Variants in SMIM3 observed in about 807,000 individuals in gnomAD.
SMIM3 encodes the protein NGF-induced differentiation clone 67 protein.
In SMIM3, 4 loss-of-function variants were observed where a neutral mutation model predicts 2.1. The ratio of observed to expected loss-of-function variants is 1.89; its 90% CI spans 0.93 to 4.31. The LOEUF is 4.31. Among genes scored for constraint, SMIM3 ranks in the 30% most tolerant of loss-of-function variants. The probability of loss-of-function intolerance (pLI) is 0.01; values close to 1 mark genes in which losing one functional copy is unlikely to be tolerated. For synonymous variants in SMIM3, 29 were observed against 30.8 expected, an observed-to-expected ratio of 0.94 and a Z score of 0.19; for missense variants, 79 against 77.7, an observed-to-expected ratio of 1.02 and a Z score of -0.06.
intron 1 of SMIM3, among the ~76,000 whole-genome samples, chr5:150,793,105 T>C (rs964142070): frequency 8.5e-5 from 13 of 152,160 alleles, no homozygotes; most frequent in Non-Finnish European, 1.8e-4. Flanking sequence ...TTGTGTCATC[T>C]ATGATTTCTT....
intron 1 of SMIM3, among the ~76,000 whole-genome samples, chr5:150,785,120 C>T (rs1240679487): frequency 3.5e-4 from 43 of 121,932 alleles, no homozygotes; most frequent in Non-Finnish European, 5.8e-4. Flanking sequence ...TGGAGTCTCG[C>T]GTTGTTGCCC....
intron 1 of SMIM3, among the ~76,000 whole-genome samples, chr5:150,789,358 CAA>C (rs1352376828): frequency 6.6e-6 from 1 of 152,080 alleles, no homozygotes; most frequent in Non-Finnish European, 1.5e-5. Flanking sequence ...ATTTGGGAGA[CAA>C]AATTTTTCTT....
At position 150,795,806 on chromosome 5, in the gene SMIM3, T is replaced by C. The variant is rs2113209587; in HGVS notation, c.*183T>C. The C allele has an allele frequency of 1.6e-6, 1 of 638,664 alleles. No homozygotes were observed. Among genetic ancestry groups the C allele is most frequent in the Non-Finnish European group, 2.7e-6 (1 of 374,758 alleles). The allele number at this position is 638,664 out of a possible 1,614,324, so 39.6% of individuals were successfully genotyped here. On this transcript the variant is annotated 3_prime_UTR_variant, in exon 2 of 2. Coordinates refer to ENST00000526627, the MANE Select transcript of SMIM3 (RefSeq NM_032947.5). Reference sequence around the variant, plus strand: ...CTAACTCTCTGAGTTCCAGGTTCCTTATCTTTCAAATGGGGATGGTGATCC... The same window carrying C: ...CTAACTCTCTGAGTTCCAGGTTCCTCATCTTTCAAATGGGGATGGTGATCC...
intron 1 of SMIM3, among the ~76,000 whole-genome samples, chr5:150,790,324 G>C (rs1753337240): frequency 6.6e-6 from 1 of 152,176 alleles, no homozygotes; most frequent in South Asian, 2.1e-4. Flanking sequence ...ATGTTAAAGG[G>C]TTTACAGGAA....
chr5:150,794,095 A>T (rs1236924753), intron 1 of SMIM3, among the ~76,000 whole-genome samples: 1 of 152,222 alleles, frequency 6.6e-6, no homozygotes, highest in East Asian at 1.9e-4. Context: ...ATGATCAGGG[A>T]AATGCAAATC....
intron 1 of SMIM3, among the ~76,000 whole-genome samples, chr5:150,784,580 T>C (rs552932505): frequency 6.6e-6 from 1 of 152,344 alleles, no homozygotes; most frequent in South Asian, 2.1e-4. Context: ...TCTTTAGTAA[T>C]ACTTTCTGCC....
chr5:150,789,243 G>A (rs988716560), intron 1 of SMIM3, among the ~76,000 whole-genome samples: 3 of 152,128 alleles, frequency 2.0e-5, no homozygotes, highest in South Asian at 2.1e-4. Flanking sequence ...TGACAGAGAG[G>A]TCAAATAGAA....
intron 1 of SMIM3, among the ~76,000 whole-genome samples, chr5:150,779,829 A>ACCCCCCCCC (rs5872180): frequency 1.9e-4 from 21 of 111,094 alleles, no homozygotes; most frequent in Non-Finnish European, 2.6e-4. Flanking sequence ...GAAAGGTGTA[A>ACCCCCCCCC]CCCCCCCCGC....
intron 1 of SMIM3, among the ~76,000 whole-genome samples, chr5:150,792,830 T>C (rs4958421): frequency 0.17 from 26,423 of 152,224 alleles, 3,066 homozygotes; most frequent in East Asian, 0.63. Context: ...GCGTGAGCCA[T>C]TGCACCCAGC....
chr5:150,790,721 T>C (rs1753341219), intron 1 of SMIM3, among the ~76,000 whole-genome samples: 1 of 152,190 alleles, frequency 6.6e-6, no homozygotes, highest in Non-Finnish European at 1.5e-5. Context: ...CAAATCTGGC[T>C]GCACGTTGGA....
chr5:150,783,777 C>T (rs1037004044), intron 1 of SMIM3, among the ~76,000 whole-genome samples: 8 of 152,052 alleles, frequency 5.3e-5, no homozygotes, highest in Non-Finnish European at 7.4e-5. Flanking sequence ...TGTAAGTTTC[C>T]GGTGGGAGGT....
At chr5:150,783,400 A>G (rs925137211) in intron 1 of SMIM3, among the ~76,000 whole-genome samples, 4 of 152,186 alleles carry the variant, frequency 2.6e-5, no homozygotes, top group African/African-American at 7.2e-5. Flanking sequence ...GTGCCCTGGG[A>G]ACCATCAGCC....
intron 1 of SMIM3, among the ~76,000 whole-genome samples, chr5:150,783,914 C>CTTTTTTT (rs557905770): frequency 1.0e-4 from 13 of 124,358 alleles, no homozygotes; most frequent in African/African-American, 2.0e-4. Flanking sequence ...TTTGAACTCC[C>CTTTTTTT]TTTTTTTTTT....
At chr5:150,784,009 C>T (rs148590098) in intron 1 of SMIM3, among the ~76,000 whole-genome samples, 2,154 of 150,762 alleles carry the variant, frequency 0.014, 48 homozygotes, top group African/African-American at 0.048. Flanking sequence ...ACCTCCACCT[C>T]CTGGGTTCAA....
chr5:150,781,963 G>A (rs1321164207), intron 1 of SMIM3, among the ~76,000 whole-genome samples: 3 of 152,154 alleles, frequency 2.0e-5, no homozygotes, highest in East Asian at 1.9e-4. Flanking sequence ...TGGTACGTGC[G>A]GTCTTACACA....
chr5:150,788,990 A>G (rs1753321509), intron 1 of SMIM3, among the ~76,000 whole-genome samples: 1 of 152,188 alleles, frequency 6.6e-6, no homozygotes, highest in Non-Finnish European at 1.5e-5. Context: ...GGCAAATAGC[A>G]GATAAAGTAT....
rs1753410615 is a variant in SMIM3 at position 150,796,507 on chromosome 5, T to C, written c.*884T>C. ...AGGTGTTCCCAGGACTTTTGGGACC[T>C]ACTAAAACAATGATGGTTATTTTAG... is the stretch of plus-strand genomic sequence containing the variant. On this transcript the variant is annotated 3_prime_UTR_variant, in exon 2 of 2. Transcript: ENST00000526627. 1 of 152,360 alleles carries C rather than the reference T, an allele frequency of 6.6e-6. No individual in the cohort carries two copies. Among genetic ancestry groups the C allele is most frequent in the African/African-American group, 2.4e-5 (1 of 41,454 alleles). The allele number at this position is 152,360 out of a possible 1,614,324, so 9.4% of individuals were successfully genotyped here.
chr5:150,783,346 AGGGGTCCTATAAGGTGGAC>A (rs1753255963), intron 1 of SMIM3, among the ~76,000 whole-genome samples: 2 of 152,210 alleles, frequency 1.3e-5, no homozygotes, highest in African/African-American at 4.8e-5. Flanking sequence ...ACTTTTTGGA[AGGGGTCCTATAAGGTGGAC>A]AATGCTGGCA....
intron 1 of SMIM3, among the ~76,000 whole-genome samples, chr5:150,787,581 T>C (rs1753306992): frequency 6.6e-6 from 1 of 152,154 alleles, no homozygotes; most frequent in Non-Finnish European, 1.5e-5. Context: ...GAATCAGGAT[T>C]CCTGAGTATG....
Sources: allele counts gnomAD v4.1 joint callset (sites outside exome capture counted in the v4.1 genomes callset), GRCh38; gene constraint gnomAD v4.1.1; transcripts MANE v1.5; gene names NCBI Gene and HGNC (gene_info 2026-07-23, HGNC 2026-07-21).